Variants in THSD7B observed in about 807,000 individuals in gnomAD.
The protein encoded by THSD7B is thrombospondin type-1 domain-containing protein 7B.
In THSD7B, 138 loss-of-function variants were observed where a neutral mutation model predicts 213.6. That is an observed-to-expected ratio of 0.65 (90% CI 0.56 to 0.74). The LOEUF (loss-of-function observed/expected upper bound fraction) is 0.74. THSD7B is among the 30% of genes least tolerant of loss of function. THSD7B has a pLI of 0.00. For missense variants in THSD7B, 1,931 were observed against 1,991.5 expected (o/e 0.97, Z 0.58); for synonymous variants, 742 against 687.0 (o/e 1.08, Z -1.25).
chr2:137,114,199 CA>C (rs751432637), intron 4 of THSD7B, among the ~76,000 whole-genome samples: 8 of 152,198 alleles, frequency 5.3e-5, no homozygotes, highest in Non-Finnish European at 1.0e-4. Context: ...TGAAATGGGA[CA>C]GCAGATATGT....
At chr2:137,381,281 G>C (rs6430712) in intron 12 of THSD7B, among the ~76,000 whole-genome samples, 146,880 of 152,282 alleles carry the variant, frequency 0.96, 71,059 homozygotes, top group Middle Eastern at 1. Flanking sequence ...GCTAGAAGCA[G>C]AGAGCACCAA....
At chr2:137,465,955 A>G (rs1687983299) in intron 15 of THSD7B, among the ~76,000 whole-genome samples, 1 of 152,158 alleles carries the variant, frequency 6.6e-6, no homozygotes, top group Admixed American at 6.5e-5. Context: ...AAAATAAAAT[A>G]TAAGGTATTT....
At chr2:137,650,873 G>A (rs1683125345) in intron 21 of THSD7B, among the ~76,000 whole-genome samples, 1 of 152,000 alleles carries the variant, frequency 6.6e-6, no homozygotes, top group South Asian at 2.1e-4. Flanking sequence ...TGATAATGTT[G>A]CATGTTATTC....
chr2:137,210,607 G>C (rs1036475182), intron 7 of THSD7B, among the ~76,000 whole-genome samples: 3 of 151,980 alleles, frequency 2.0e-5, no homozygotes, highest in Non-Finnish European at 4.4e-5. Context: ...TAAACTTTGA[G>C]TGGGAGAATT....
chr2:137,362,017 A>T (rs1685274504), intron 12 of THSD7B, among the ~76,000 whole-genome samples: 1 of 152,222 alleles, frequency 6.6e-6, no homozygotes, highest in African/African-American at 2.4e-5. Context: ...GAAGCCCATC[A>T]GACTAACAGG....
chr2:136,942,064 T>C (rs1245129203), intron 2 of THSD7B, among the ~76,000 whole-genome samples: 1 of 152,254 alleles, frequency 6.6e-6, no homozygotes, highest in Non-Finnish European at 1.5e-5. Flanking sequence ...TTTCTACATA[T>C]AGCTAGCCAG....
chr2:137,505,281 C>G (rs1034651145), intron 15 of THSD7B, among the ~76,000 whole-genome samples: 1 of 152,180 alleles, frequency 6.6e-6, no homozygotes, highest in African/African-American at 2.4e-5. Context: ...GCATAGAAAT[C>G]ACTCAGGGTT....
chr2:137,094,436 TG>T (rs1474037856), intron 3 of THSD7B, among the ~76,000 whole-genome samples: 1 of 152,018 alleles, frequency 6.6e-6, no homozygotes, highest in Non-Finnish European at 1.5e-5. Context: ...CTGGGCATGG[TG>T]GTGTGTTTCT....
chr2:136,801,628 A>C (rs1371406380), intron 1 of THSD7B, among the ~76,000 whole-genome samples: 2 of 152,104 alleles, frequency 1.3e-5, no homozygotes, highest in African/African-American at 4.8e-5. Flanking sequence ...TATTAGAAGA[A>C]AAATGGCGGT....
chr2:137,302,576 TC>T (rs1439446686), intron 12 of THSD7B, among the ~76,000 whole-genome samples: 18 of 152,058 alleles, frequency 1.2e-4, no homozygotes, highest in Non-Finnish European at 2.4e-4. Flanking sequence ...AAAGTAAAGA[TC>T]TTGTAAAAAG....
intron 15 of THSD7B, among the ~76,000 whole-genome samples, chr2:137,498,590 AT>A (rs935508915): frequency 5.0e-4 from 74 of 147,852 alleles, no homozygotes; most frequent in African/African-American, 1.1e-3. Context: ...GGATGGGGGT[AT>A]TTTTTTTTTA....
At chr2:137,040,178 A>G (rs1686853591) in intron 2 of THSD7B, among the ~76,000 whole-genome samples, 1 of 152,144 alleles carries the variant, frequency 6.6e-6, no homozygotes, top group Non-Finnish European at 1.5e-5. Context: ...TTGATTCCCA[A>G]AGGAACTCTT....
intron 1 of THSD7B, among the ~76,000 whole-genome samples, chr2:136,870,071 C>A (rs1356741054): frequency 8.4e-3 from 1,095 of 130,496 alleles, no homozygotes; most frequent in Non-Finnish European, 8.8e-3. Context: ...GACTCCGTCT[C>A]AAAAAAAAAA....
intron 8 of THSD7B, among the ~76,000 whole-genome samples, chr2:137,231,783 A>G (rs568736660): frequency 6.6e-6 from 1 of 152,140 alleles, no homozygotes; most frequent in Non-Finnish European, 1.5e-5. Context: ...TGAGAATATA[A>G]GTGGGTGACG....
intron 15 of THSD7B, among the ~76,000 whole-genome samples, chr2:137,549,874 T>C (rs79938623): frequency 0.012 from 1,868 of 150,828 alleles, 48 homozygotes; most frequent in African/African-American, 0.043. Context: ...AATTCAGCTC[T>C]TCCAATATTT....
intron 15 of THSD7B, among the ~76,000 whole-genome samples, chr2:137,554,800 C>A (rs1411675331): frequency 6.6e-6 from 1 of 152,210 alleles, no homozygotes; most frequent in Non-Finnish European, 1.5e-5. Context: ...CTTTCATAGC[C>A]AAACAAATCT....
intron 9 of THSD7B, among the ~76,000 whole-genome samples, chr2:137,234,255 C>T (rs537968080): frequency 7.9e-5 from 12 of 152,312 alleles, no homozygotes; most frequent in African/African-American, 2.4e-4. Flanking sequence ...TATGAAAATA[C>T]ATTTGATGTT....
Position 137,184,480 on chromosome 2 carries a change from A to T in THSD7B, c.1723+13542A>T, listed in dbSNP as rs143851621. ...GATCACAAGACAAGTGTATTTACAA[A>T]GTCTGAGCTCCTGAATCCTAGGATT... On this transcript the variant is annotated intron_variant, in intron 7 of 27. Transcript: ENST00000409968. Among the ~76,000 whole-genome samples the T allele has an allele frequency of 1.7e-3, 260 of 152,284 alleles. 1 individual carries two copies. Among genetic ancestry groups the T allele is most frequent in the Non-Finnish European group, 2.8e-3 (188 of 68,008 alleles).
chr2:137,634,227 T>G (rs559992151), intron 20 of THSD7B, among the ~76,000 whole-genome samples: 1 of 152,136 alleles, frequency 6.6e-6, no homozygotes, highest in African/African-American at 2.4e-5. Context: ...TAGATGTTGG[T>G]TTCTGGGTGA....
Sources: allele counts gnomAD v4.1 joint callset (sites outside exome capture counted in the v4.1 genomes callset), GRCh38; gene constraint gnomAD v4.1.1; transcripts MANE v1.5; gene names NCBI Gene and HGNC (gene_info 2026-07-23, HGNC 2026-07-21).